Variants in GPATCH2 observed in about 807,000 individuals in gnomAD.
GPATCH2 encodes G-patch domain containing 2.
GPATCH2 carries 51 observed loss-of-function variants against 58.0 expected under a neutral mutation model. That is an observed-to-expected ratio of 0.88 (90% CI 0.70 to 1.11). The LOEUF (loss-of-function observed/expected upper bound fraction) is 1.11. Ranked by LOEUF, GPATCH2 falls within the 50% of genes most tolerant of loss-of-function variation. The probability of loss-of-function intolerance (pLI) is 0.00; values close to 1 mark genes in which losing one functional copy is unlikely to be tolerated. For missense variants in GPATCH2, 625 were observed against 652.2 expected (o/e 0.96, Z 0.45); for synonymous variants, 222 against 218.5 (o/e 1.02, Z -0.14).
At chr1:217,454,726 C>T (rs996027706) in intron 8 of GPATCH2, among the ~76,000 whole-genome samples, 2 of 151,472 alleles carry the variant, frequency 1.3e-5, no homozygotes, top group African/African-American at 2.4e-5. Context: ...GATTCTCATA[C>T]CTCAGCACCA....
intron 5 of GPATCH2, among the ~76,000 whole-genome samples, chr1:217,560,675 T>G (rs1174331967): frequency 6.6e-6 from 1 of 152,210 alleles, no homozygotes; most frequent in African/African-American, 2.4e-5. Flanking sequence ...TCTCAACCCC[T>G]GCATGATTGA....
intron 5 of GPATCH2, among the ~76,000 whole-genome samples, chr1:217,578,280 G>A (rs11117886): frequency 6.6e-6 from 1 of 151,548 alleles, no homozygotes; most frequent in Non-Finnish European, 1.5e-5. Flanking sequence ...CCAGATTGAC[G>A]GGCAGTGGCA....
intron 6 of GPATCH2, among the ~76,000 whole-genome samples, chr1:217,502,961 C>A (rs575875115): frequency 6.6e-6 from 1 of 152,090 alleles, no homozygotes; most frequent in Non-Finnish European, 1.5e-5. Context: ...ATTTATTCTA[C>A]CTGCCTGTTT....
At chr1:217,590,621 A>T (rs1667548059) in intron 5 of GPATCH2, among the ~76,000 whole-genome samples, 1 of 152,174 alleles carries the variant, frequency 6.6e-6, no homozygotes, top group Admixed American at 6.5e-5. Context: ...GCATCTAAAG[A>T]AGTTTTGAAT....
intron 9 of GPATCH2, among the ~76,000 whole-genome samples, chr1:217,431,579 G>A (rs1377986221): frequency 6.6e-6 from 1 of 152,176 alleles, no homozygotes; most frequent in Non-Finnish European, 1.5e-5. Flanking sequence ...CTTCACAGCA[G>A]GGTGAGCTAT....
intron 8 of GPATCH2, among the ~76,000 whole-genome samples, chr1:217,456,862 T>G (rs1571733591): frequency 6.6e-6 from 1 of 152,208 alleles, no homozygotes; most frequent in African/African-American, 2.4e-5. Flanking sequence ...AATAGGTGTG[T>G]GCGCTAAACT....
chr1:217,535,355 C>CT (rs906758011), intron 5 of GPATCH2, among the ~76,000 whole-genome samples: 11 of 152,102 alleles, frequency 7.2e-5, no homozygotes, highest in African/African-American at 2.4e-4. Context: ...TTTTTATTCT[C>CT]TTTTTAAGTT....
intron 6 of GPATCH2, among the ~76,000 whole-genome samples, chr1:217,510,785 C>T (rs939288100): frequency 1.3e-5 from 2 of 152,030 alleles, no homozygotes; most frequent in South Asian, 4.1e-4. Flanking sequence ...TAATAATCTA[C>T]CAGTTGCTGA....
At chr1:217,581,362 T>C (rs1667074353) in intron 5 of GPATCH2, among the ~76,000 whole-genome samples, 1 of 152,182 alleles carries the variant, frequency 6.6e-6, no homozygotes, top group Admixed American at 6.5e-5. Flanking sequence ...AAAAGACAAG[T>C]TGGAAGACAA....
intron 9 of GPATCH2, among the ~76,000 whole-genome samples, chr1:217,441,374 TA>T (rs1425448620): frequency 6.6e-6 from 1 of 152,116 alleles, no homozygotes; most frequent in Non-Finnish European, 1.5e-5. Context: ...GAGTTAAACG[TA>T]ACATCTAAAA....
chr1:217,585,523 G>A (rs1479555941), intron 5 of GPATCH2, among the ~76,000 whole-genome samples: 4 of 152,092 alleles, frequency 2.6e-5, no homozygotes, highest in African/African-American at 9.7e-5. Context: ...GGTAGGCTGA[G>A]GCAGGAGAAT....
intron 5 of GPATCH2, among the ~76,000 whole-genome samples, chr1:217,551,820 G>A (rs1163311395): frequency 1.3e-5 from 2 of 152,118 alleles, no homozygotes; most frequent in South Asian, 2.1e-4. Flanking sequence ...AGGGGTTATG[G>A]AACTTGTATA....
At chr1:217,525,087 C>T (rs1274358263) in intron 5 of GPATCH2, among the ~76,000 whole-genome samples, 1 of 150,922 alleles carries the variant, frequency 6.6e-6, no homozygotes, top group Admixed American at 6.6e-5. Flanking sequence ...CCTAAATATA[C>T]TCTATTAAAA....
At position 217,428,905 on chromosome 1, in the gene GPATCH2, G is replaced by C. The variant is rs534905756; in HGVS notation, c.*2240C>G. 1.4e-4 allele frequency: 22 copies of C among 152,274 alleles called. No homozygotes were observed. The highest frequency in any genetic ancestry group is 2.1e-4 in the Non-Finnish European group (14 of 68,024). The allele number at this position is 152,274 out of a possible 1,614,324, so 9.4% of individuals were successfully genotyped here. The stretch of plus-strand genomic sequence containing the variant: ...TTAATGAAGAAGTTCCTATACACTA[G>C]TCTGGTGTATATACTGCTCTTCTTC... On this transcript the variant is annotated 3_prime_UTR_variant, in exon 10 of 10. Transcript: ENST00000366935.
intron 5 of GPATCH2, among the ~76,000 whole-genome samples, chr1:217,586,594 T>C (rs188272128): frequency 6.6e-6 from 1 of 152,336 alleles, no homozygotes; most frequent in Non-Finnish European, 1.5e-5. Context: ...TACGGTTACA[T>C]TTTTGAAGGA....
chr1:217,559,341 C>A (rs1665806782), intron 5 of GPATCH2, among the ~76,000 whole-genome samples: 1 of 151,918 alleles, frequency 6.6e-6, no homozygotes. Context: ...AAAAAAAATC[C>A]TTCAAAAGAT....
At chr1:217,484,092 TG>T (rs1452522659) in intron 8 of GPATCH2, among the ~76,000 whole-genome samples, 2 of 152,170 alleles carry the variant, frequency 1.3e-5, no homozygotes, top group African/African-American at 2.4e-5. Flanking sequence ...TCAATTTGAC[TG>T]GGTCATGAGG....
At chr1:217,469,796 A>G (rs1046835374) in intron 8 of GPATCH2, among the ~76,000 whole-genome samples, 10 of 152,170 alleles carry the variant, frequency 6.6e-5, no homozygotes, top group Admixed American at 2.0e-4. Context: ...TTTAAAATTG[A>G]AAGTATTTTC....
intron 8 of GPATCH2, among the ~76,000 whole-genome samples, chr1:217,463,868 C>T (rs959386019): frequency 6.6e-6 from 1 of 151,926 alleles, no homozygotes; most frequent in Non-Finnish European, 1.5e-5. Flanking sequence ...AGACAGAATC[C>T]AGGTTTTTCT....
Sources: allele counts gnomAD v4.1 joint callset (sites outside exome capture counted in the v4.1 genomes callset), GRCh38; gene constraint gnomAD v4.1.1; transcripts MANE v1.5; gene names NCBI Gene and HGNC (gene_info 2026-07-23, HGNC 2026-07-21).